Variants in PTCHD4 observed in about 807,000 individuals in gnomAD.
PTCHD4 encodes patched domain-containing protein 4.
PTCHD4 carries 33 observed loss-of-function variants against 58.1 expected under a neutral mutation model. The ratio of observed to expected loss-of-function variants is 0.57; its 90% CI spans 0.43 to 0.76. PTCHD4 has a LOEUF of 0.76. PTCHD4 is among the 30% of genes least tolerant of loss of function. The probability of loss-of-function intolerance (pLI) is 0.00; values close to 1 mark genes in which losing one functional copy is unlikely to be tolerated. For synonymous variants in PTCHD4, 478 were observed against 409.6 expected, an observed-to-expected ratio of 1.17 and a Z score of -2.02; for missense variants, 1,058 against 1,027.1, an observed-to-expected ratio of 1.03 and a Z score of -0.41.
intron 1 of PTCHD4, among the ~76,000 whole-genome samples, chr6:48,076,799 A>G (rs1328678747): frequency 6.6e-6 from 1 of 152,248 alleles, no homozygotes; most frequent in Non-Finnish European, 1.5e-5. Context: ...TTTATGGAGA[A>G]AAAAGGTAAA....
In PTCHD4 at chr6:47,873,479, C is replaced by CT. The variant is rs1763770858; in HGVS notation, c.*4823dup. Among the ~76,000 whole-genome samples, 1 of 151,622 alleles carries CT rather than the reference C, an allele frequency of 6.6e-6. No individual in the cohort carries two copies. The highest frequency in any genetic ancestry group is 1.5e-5 in the Non-Finnish European group (1 of 67,766). On this transcript the variant is annotated 3_prime_UTR_variant, in exon 5 of 5. Transcript: ENST00000339488. ...ACGTGATGGTGGATTAATCTTGGTCCTTTAGTTGATAAATCAAGGTAATTT... is the reference window on the plus strand; with the variant it reads ...ACGTGATGGTGGATTAATCTTGGTCCTTTTAGTTGATAAATCAAGGTAATTT...
At chr6:47,947,026 G>C (rs1244287660) in intron 4 of PTCHD4, among the ~76,000 whole-genome samples, 1 of 151,948 alleles carries the variant, frequency 6.6e-6, no homozygotes, top group Non-Finnish European at 1.5e-5. Flanking sequence ...GTAGAGATGA[G>C]ATCTTGCTAT....
intron 1 of PTCHD4, among the ~76,000 whole-genome samples, chr6:48,096,324 G>T (rs940930736): frequency 6.6e-6 from 1 of 152,052 alleles, no homozygotes; most frequent in African/African-American, 2.4e-5. Flanking sequence ...GAAATTCCTT[G>T]TGCATGGCAT....
chr6:47,954,234 G>C (rs887394438), intron 4 of PTCHD4, among the ~76,000 whole-genome samples: 3 of 152,120 alleles, frequency 2.0e-5, no homozygotes, highest in African/African-American at 7.2e-5. Context: ...GCACACATCT[G>C]TAATCCCAGC....
rs1303982456 is a variant in PTCHD4, at chr6:48,053,189, TACAGGTGAAGAG to T, written c.417+15029_417+15040del. Among the ~76,000 whole-genome samples, 6 of 152,236 alleles carry T rather than the reference TACAGGTGAAGAG, an allele frequency of 3.9e-5. No homozygotes were observed. In the East Asian group the frequency reaches 1.2e-3, roughly 29 times the overall value. On this transcript the variant is annotated intron_variant, in intron 3 of 4. Coordinates refer to ENST00000339488, the MANE Select transcript of PTCHD4 (RefSeq NM_001384253.1). ...TAGAAGAAGAGTATAACATTTTGTT[TACAGGTGAAGAG>T]ACAGAAAACATGCAATTTGGCCGGA... is the stretch of plus-strand genomic sequence containing the variant.
At chr6:48,022,006 G>C (rs113349455) in intron 3 of PTCHD4, among the ~76,000 whole-genome samples, 2 of 152,000 alleles carry the variant, frequency 1.3e-5, no homozygotes, top group Non-Finnish European at 2.9e-5. Flanking sequence ...AATCAATAAC[G>C]TAGCCTTTAT....
Position 47,860,560 on chromosome 6 carries a change from T to C in PTCHD4, c.*17743A>G, listed in dbSNP as rs547144692. On this transcript the variant is annotated 3_prime_UTR_variant, in exon 5 of 5. Transcript: ENST00000339488. Reference sequence around the variant, plus strand: ...TACAGAAAATGTAATCCCTCATCCATGCAGCCTTCTTTCTTTCTTTACATT... The same window carrying C: ...TACAGAAAATGTAATCCCTCATCCACGCAGCCTTCTTTCTTTCTTTACATT... 1.8e-4 allele frequency among the ~76,000 whole-genome samples: 27 copies of C among 152,178 alleles called. No individual in the cohort carries two copies. Among genetic ancestry groups the C allele is most frequent in the African/African-American group, 6.3e-4 (26 of 41,572 alleles).
rs575201578 is a variant in PTCHD4 at position 48,107,591 on chromosome 6, T to C, written c.-970+3458A>G. Among the ~76,000 whole-genome samples the C allele has an allele frequency of 2.1e-3, 321 of 152,000 alleles. 1 individual carries two copies. The highest frequency in any genetic ancestry group is 6.8e-3 in the Middle Eastern group (2 of 292). ...AAAGCAATGGCAACAAAAGCCAAAA[T>C]TGACAAATGGGATCTAATTAAACTA... On this transcript the variant is annotated intron_variant, in intron 1 of 4. Transcript: ENST00000339488.
chr6:48,040,733 T>C (rs1025193455), intron 3 of PTCHD4, among the ~76,000 whole-genome samples: 5 of 152,088 alleles, frequency 3.3e-5, no homozygotes, highest in Non-Finnish European at 7.4e-5. Flanking sequence ...ACTATTAGTA[T>C]TCACATTTTA....
intron 1 of PTCHD4, among the ~76,000 whole-genome samples, chr6:48,098,580 C>A (rs956090071): frequency 2.0e-5 from 3 of 152,160 alleles, no homozygotes; most frequent in African/African-American, 7.2e-5. Context: ...CTCAACTGAT[C>A]CACTCACCTG....
At chr6:48,062,906 C>A (rs1427840306) in intron 3 of PTCHD4, among the ~76,000 whole-genome samples, 1 of 152,136 alleles carries the variant, frequency 6.6e-6, no homozygotes. Context: ...CTGACTCTAT[C>A]ATTTTACAGA....
chr6:47,908,507 T>A (rs1764971819), intron 4 of PTCHD4, among the ~76,000 whole-genome samples: 1 of 152,094 alleles, frequency 6.6e-6, no homozygotes, highest in African/African-American at 2.4e-5. Context: ...AGTGAATGGA[T>A]CAGCTGATAT....
chr6:48,040,900 C>T (rs1028588003), intron 3 of PTCHD4, among the ~76,000 whole-genome samples: 2 of 151,974 alleles, frequency 1.3e-5, no homozygotes, highest in Admixed American at 1.3e-4. Flanking sequence ...CGTAAAATCT[C>T]ATTTTGGTGA....
chr6:47,992,796 G>A (rs1167098381), intron 4 of PTCHD4, among the ~76,000 whole-genome samples: 1 of 152,030 alleles, frequency 6.6e-6, no homozygotes, highest in East Asian at 1.9e-4. Context: ...CTTTTGTAAT[G>A]AAAACATGAA....
At chr6:47,917,189 T>C (rs1351596208) in intron 4 of PTCHD4, among the ~76,000 whole-genome samples, 1 of 152,146 alleles carries the variant, frequency 6.6e-6, no homozygotes, top group Non-Finnish European at 1.5e-5. Context: ...TTAATTTATA[T>C]ATTTTTTTCA....
chr6:48,074,427 G>T (rs537930158), intron 1 of PTCHD4, among the ~76,000 whole-genome samples: 1 of 152,352 alleles, frequency 6.6e-6, no homozygotes, highest in South Asian at 2.1e-4. Context: ...AGACAGACAA[G>T]ATCCCAAGGA....
chr6:47,922,003 G>A (rs533130914), intron 4 of PTCHD4, among the ~76,000 whole-genome samples: 36 of 151,574 alleles, frequency 2.4e-4, no homozygotes, highest in African/African-American at 8.2e-4. Context: ...GCCAGGCATG[G>A]TGGTGCATGC....
intron 4 of PTCHD4, among the ~76,000 whole-genome samples, chr6:47,993,903 A>G (rs534904244): frequency 6.6e-6 from 1 of 152,312 alleles, no homozygotes; most frequent in East Asian, 1.9e-4. Flanking sequence ...AGAACAACAA[A>G]AAGTACATTG....
chr6:48,020,707 T>G (rs1042691043), intron 3 of PTCHD4, among the ~76,000 whole-genome samples: 1 of 152,026 alleles, frequency 6.6e-6, no homozygotes, highest in Non-Finnish European at 1.5e-5. Flanking sequence ...TAAAGCAGCA[T>G]GGAGACTTAC....
Sources: allele counts gnomAD v4.1 joint callset (sites outside exome capture counted in the v4.1 genomes callset), GRCh38; gene constraint gnomAD v4.1.1; transcripts MANE v1.5; gene names NCBI Gene and HGNC (gene_info 2026-07-23, HGNC 2026-07-21).